Variants in CCDC117 observed in about 807,000 individuals in gnomAD.
CCDC117 encodes coiled-coil domain-containing protein 117.
CCDC117 carries 1 observed loss-of-function variant against 23.5 expected under a neutral mutation model. The ratio of observed to expected loss-of-function variants is 0.04; its 90% CI spans 0.02 to 0.20. The LOEUF (loss-of-function observed/expected upper bound fraction) is 0.20. CCDC117 is among the 10% of genes least tolerant of loss of function. The probability of loss-of-function intolerance (pLI) is 1.00; values close to 1 mark genes in which losing one functional copy is unlikely to be tolerated. For synonymous variants in CCDC117, 132 were observed against 124.8 expected (o/e 1.06, Z -0.39); for missense variants, 383 against 348.2 (o/e 1.10, Z -0.80).
rs2031473908 is a variant in CCDC117 at position 28,785,154 on chromosome 22, G to GTC, written c.603-934_603-933dup. Among the ~76,000 whole-genome samples, 5 of 151,172 alleles carry GTC rather than the reference G, an allele frequency of 3.3e-5. 1 individual carries two copies. Among genetic ancestry groups the GTC allele is most frequent in the Admixed American group, 3.3e-4 (5 of 15,192 alleles). On this transcript the variant is annotated intron_variant, in intron 4 of 4. Coordinates refer to ENST00000249064, the MANE Select transcript of CCDC117 (RefSeq NM_173510.4). The stretch of plus-strand genomic sequence containing the variant: ...CCTGCCACAGTGTGTGTGTAACATA[G>GTC]TCATTTTGCCTTAACCATGAAGCTT...
chr22:28,773,450 A>T, intron 1 of CCDC117: 1 of 488,636 alleles, frequency 2.0e-6, no homozygotes, highest in South Asian at 3.1e-5. Flanking sequence ...AGTGCTTAAC[A>T]CAGCGCCTGC....
rs201573327 is a variant in CCDC117 at position 28,774,074 on chromosome 22, T to TTG, written c.239+297_239+298insGT. ...ATATTGAAAAGTTTTGTTTTTGTTTTTTTTTTTTTTTGGGACGGAGTCTGC... is the reference window on the plus strand; with the variant it reads ...ATATTGAAAAGTTTTGTTTTTGTTTTTGTTTTTTTTTTTGGGACGGAGTCTGC... On this transcript the variant is annotated intron_variant, in intron 2 of 4. Coordinates refer to ENST00000249064, the MANE Select transcript of CCDC117 (RefSeq NM_173510.4). 2.1e-3 allele frequency among the ~76,000 whole-genome samples: 300 copies of TTG among 146,268 alleles called. 2 individuals are homozygous for TTG. The highest frequency in any genetic ancestry group is 7.5e-3 in the African/African-American group (287 of 38,040).
At chr22:28,776,874 G>A (rs750059614) in intron 2 of CCDC117, among the ~76,000 whole-genome samples, 16 of 151,904 alleles carry the variant, frequency 1.1e-4, no homozygotes, top group South Asian at 2.1e-4. Context: ...GTGAGCCACC[G>A]CACCCAACCA....
In CCDC117 at chr22:28,783,593, G is replaced by A; in HGVS notation, c.550G>A (p.Gly184Ser). 6.2e-7 allele frequency: 1 copy of A among 1,613,782 alleles called. No individual in the cohort carries two copies. Among genetic ancestry groups the A allele is most frequent in the Non-Finnish European group, 8.5e-7 (1 of 1,179,818 alleles). Reference protein sequence around the residue: ...SLVLSDTMKTGLKREFDEVFT... With the variant: ...SLVLSDTMKTSLKREFDEVFT... The stretch of plus-strand genomic sequence containing the variant: ...TGTCCTTTCTGATACCATGAAAACA[G>A]GTTTGAAGAGGGAATTTGATGAAGT... The change falls in exon 4 of 5, where the codon GGT (glycine) becomes AGT (serine). Residue 184 changes from glycine (G) to serine (S), a missense_variant. By Grantham distance (56) the Gly-to-Ser change is moderately conservative (BLOSUM62 0). Coordinates refer to ENST00000249064, the MANE Select transcript of CCDC117 (RefSeq NM_173510.4).
At chr22:28,774,902 C>A (rs2031118889) in intron 2 of CCDC117, among the ~76,000 whole-genome samples, 2 of 152,084 alleles carry the variant, frequency 1.3e-5, no homozygotes, top group South Asian at 4.1e-4. Flanking sequence ...TTGATCTTTT[C>A]ATTTTACTCT....
At chr22:28,780,711 G>T (rs1601424852) in intron 2 of CCDC117, among the ~76,000 whole-genome samples, 1 of 152,164 alleles carries the variant, frequency 6.6e-6, no homozygotes, top group African/African-American at 2.4e-5. Context: ...AACACTTACT[G>T]TCTGAACAGG....
chr22:28,774,389 TTTA>T (rs1231892055), intron 2 of CCDC117, among the ~76,000 whole-genome samples: 1 of 150,780 alleles, frequency 6.6e-6, no homozygotes. Flanking sequence ...TTTTTTTTTT[TTTA>T]AAGTCAGGGG....
chr22:28,785,705 G>C (rs2031489161), intron 4 of CCDC117, among the ~76,000 whole-genome samples: 1 of 152,084 alleles, frequency 6.6e-6, no homozygotes, highest in Non-Finnish European at 1.5e-5. Flanking sequence ...ACAACCACTT[G>C]ATTTGGTTAA....
Position 28,772,789 on chromosome 22 carries a change from T to C in CCDC117, c.-61T>C. 8.3e-7 allele frequency: 1 copy of C among 1,202,598 alleles called. No homozygotes were observed. Among genetic ancestry groups the C allele is most frequent in the East Asian group, 3.3e-5 (1 of 30,156 alleles). The allele number at this position is 1,202,598 out of a possible 1,614,324, so 74.5% of individuals were successfully genotyped here. ...TTTTGGCAGTAGCTGTGGCTGCGGC[T>C]GCCGGGCCTGGGGACGCGGGCGGCC... is the stretch of plus-strand genomic sequence containing the variant. On this transcript the variant is annotated 5_prime_UTR_variant, in exon 1 of 5. Coordinates refer to ENST00000249064, the MANE Select transcript of CCDC117 (RefSeq NM_173510.4).
Position 28,780,928 on chromosome 22 carries a change from AT to A in CCDC117, c.240-12del, listed in dbSNP as rs773289746. 3.3e-5 allele frequency: 52 copies of A among 1,556,036 alleles called. No individual in the cohort carries two copies. In the East Asian group the frequency reaches 4.3e-4, roughly 13 times the overall value. On this transcript the variant is annotated intron_variant, in intron 2 of 4. Transcript: ENST00000249064. ...TTATATTAGTTGGGATTTTCATTGA[AT>A]TTTTTTTCTTTTTTTCAGTTGTCCA...
chr22:28,777,034 G>GTTTTT (rs573843364), intron 2 of CCDC117, among the ~76,000 whole-genome samples: 1 of 128,438 alleles, frequency 7.8e-6, no homozygotes, highest in African/African-American at 3.0e-5. Context: ...TACTGTAGCT[G>GTTTTT]TTTTTTTTTT....
intron 2 of CCDC117, among the ~76,000 whole-genome samples, chr22:28,775,649 G>C (rs987468560): frequency 2.0e-5 from 3 of 151,798 alleles, no homozygotes; most frequent in African/African-American, 4.8e-5. Context: ...CTGTAATCCC[G>C]GCACTTTGGG....
chr22:28,781,226 G>A, intron 3 of CCDC117, 54 bp downstream of exon 3: 1 of 968,282 alleles, frequency 1.0e-6, no homozygotes. Context: ...TAATAACTCT[G>A]CTCATATAAG....
In CCDC117 at chr22:28,772,805, G is replaced by A; in HGVS notation, c.-45G>A. The A allele has an allele frequency of 4.9e-6, 6 of 1,216,910 alleles. No individual in the cohort carries two copies. Among genetic ancestry groups the A allele is most frequent in the Non-Finnish European group, 6.1e-6 (6 of 977,674 alleles). 75.4% of individuals were successfully genotyped at this position (1,216,910 alleles called of 1,614,324 possible). A position where few individuals can be genotyped will look rare whatever the true frequency, so the allele number is the denominator to read the frequency against. ...GGCTGCGGCTGCCGGGCCTGGGGAC[G>A]CGGGCGGCCGAGGCCGCCGTCGCAG... On this transcript the variant is annotated 5_prime_UTR_variant, in exon 1 of 5. Transcript: ENST00000249064.
Position 28,773,736 on chromosome 22 carries a change from A to C in CCDC117, c.197A>C (p.His66Pro), listed in dbSNP as rs779814822. 9 of 1,613,824 alleles carry C rather than the reference A, an allele frequency of 5.6e-6. No individual in the cohort carries two copies. In the South Asian group the frequency reaches 9.9e-5, roughly 18 times the overall value. ...GTTTGTTTCAACAGTGTTTCTGTTC[A>C]CTGTAAAAAGAAACACAAGCGAGAG... ...GSAARGRVSV[H>P]CKKKHKREEE... The change falls in exon 2 of 5, where the codon CAC becomes CCC. Residue 66 changes from histidine to proline, a missense_variant. By Grantham distance (77) the His-to-Pro change is moderately conservative. Transcript: ENST00000249064.
intron 3 of CCDC117, among the ~76,000 whole-genome samples, chr22:28,782,807 G>T (rs1382867904): frequency 1.3e-5 from 2 of 152,080 alleles, no homozygotes; most frequent in Non-Finnish European, 2.9e-5. Context: ...TCTGGCCTCA[G>T]GTGATCTGCC....
chr22:28,773,597 C>A, intron 1 of CCDC117, 128 bp from the exon 2 acceptor site: 1 of 722,610 alleles, frequency 1.4e-6, no homozygotes, highest in Non-Finnish European at 2.5e-6. Flanking sequence ...TTGTACCCAT[C>A]CCACTAGGCT....
intron 3 of CCDC117, 150 bp downstream of exon 3, chr22:28,781,322 G>GTTTTTTCGT: frequency 3.8e-6 from 1 of 262,216 alleles, no homozygotes; most frequent in African/African-American, 2.5e-5. Context: ...ATTCGTTTTT[G>GTTTTTTCGT]TTTTTTTGTT....
At chr22:28,782,250 C>CTTTTTTTTTTT (rs34670753) in intron 3 of CCDC117, among the ~76,000 whole-genome samples, 1 of 80,320 alleles carries the variant, frequency 1.2e-5, no homozygotes, top group African/African-American at 6.1e-5. Flanking sequence ...TCTACTGAGC[C>CTTTTTTTTTTT]TTTTTTTTTT....
Sources: allele counts gnomAD v4.1 joint callset (sites outside exome capture counted in the v4.1 genomes callset), GRCh38; gene constraint gnomAD v4.1.1; transcripts MANE v1.5; gene names NCBI Gene and HGNC (gene_info 2026-07-23, HGNC 2026-07-21).